Variants in PLEKHA6 observed in about 807,000 individuals in gnomAD.
PLEKHA6 encodes the protein pleckstrin homology domain-containing family A member 6.
Under a neutral mutation model 116.7 loss-of-function variants are expected in PLEKHA6, and 60 were observed. The observed-to-expected ratio is 0.51, with a 90% CI of 0.42 to 0.64. PLEKHA6 has a LOEUF of 0.64. PLEKHA6 is among the 30% of genes least tolerant of loss of function. The pLI, the probability that PLEKHA6 is intolerant of heterozygous loss-of-function variation, is 0.00. For missense variants in PLEKHA6, 1,338 were observed against 1,422.7 expected, an observed-to-expected ratio of 0.94 and a Z score of 0.96; for synonymous variants, 489 against 556.1, an observed-to-expected ratio of 0.88 and a Z score of 1.70.
intron 1 of PLEKHA6, among the ~76,000 whole-genome samples, chr1:204,303,926 G>A (rs956894338): frequency 3.3e-5 from 5 of 152,174 alleles, no homozygotes; most frequent in Admixed American, 2.0e-4. Context: ...TGTTGCCCAG[G>A]CTTGTCTTGA....
chr1:204,374,516 A>G (rs1191069080), intron 1 of PLEKHA6, among the ~76,000 whole-genome samples: 2 of 151,968 alleles, frequency 1.3e-5, no homozygotes, highest in Non-Finnish European at 2.9e-5. Context: ...ATTCTCACCC[A>G]TCCTTTAATA....
At chr1:204,269,104 C>G (rs1667164710) in intron 3 of PLEKHA6, among the ~76,000 whole-genome samples, 1 of 151,860 alleles carries the variant, frequency 6.6e-6, no homozygotes, top group East Asian at 2.0e-4. Context: ...ACCCCAAGCC[C>G]CTCTGCGGCT....
intron 1 of PLEKHA6, among the ~76,000 whole-genome samples, chr1:204,293,999 G>A (rs1670024129): frequency 6.6e-6 from 1 of 152,198 alleles, no homozygotes; most frequent in Admixed American, 6.5e-5. Context: ...GAATTGTATC[G>A]ATGTTATTAA....
chr1:204,237,731 C>G (rs974442441), intron 17 of PLEKHA6, among the ~76,000 whole-genome samples: 9 of 152,234 alleles, frequency 5.9e-5, no homozygotes, highest in Non-Finnish European at 1.2e-4. Flanking sequence ...CCTTTACTGT[C>G]CTACCTCAGG....
rs374722318 is a variant in PLEKHA6 at position 204,251,659 on chromosome 1, G to A, written c.1525-1045C>T. 3.1e-4 allele frequency: 215 copies of A among 695,182 alleles called. 1 individual carries two copies. In the African/African-American group the frequency reaches 3.2e-3, roughly 10 times the overall value. 43.1% of individuals were successfully genotyped at this position (695,182 alleles called of 1,614,324 possible). On this transcript the variant is annotated intron_variant, in intron 9 of 22. Transcript: ENST00000272203. The stretch of plus-strand genomic sequence containing the variant: ...CTATTCACACTCCGACCTACATGTA[G>A]GTATCTCCCCTTCACCCACCTGTGC...
chr1:204,358,462 AG>A (rs1259172562), intron 1 of PLEKHA6, among the ~76,000 whole-genome samples: 1 of 152,118 alleles, frequency 6.6e-6, no homozygotes, highest in Non-Finnish European at 1.5e-5. Flanking sequence ...ATACTCTTCC[AG>A]GGTGGCCTGG....
At chr1:204,336,505 G>T (rs932692561) in intron 1 of PLEKHA6, among the ~76,000 whole-genome samples, 65 of 152,222 alleles carry the variant, frequency 4.3e-4, no homozygotes, top group African/African-American at 1.4e-3. Context: ...TTCAGCGGAA[G>T]GAGAGGTTAG....
At chr1:204,301,581 G>T (rs12748797) in intron 1 of PLEKHA6, 111,617 of 464,850 alleles carry the variant, frequency 0.24, 14,239 homozygotes, top group South Asian at 0.29. Flanking sequence ...ACTCCCTAGG[G>T]CCATTCCCAG....
chr1:204,332,502 C>T (rs2103275804), intron 1 of PLEKHA6, among the ~76,000 whole-genome samples: 1 of 152,352 alleles, frequency 6.6e-6, no homozygotes, highest in South Asian at 2.1e-4. Flanking sequence ...CTGCCTCAGC[C>T]TCCTGAGTAT....
intron 1 of PLEKHA6, chr1:204,309,063 G>A (rs529329637): frequency 5.1e-6 from 5 of 976,280 alleles, no homozygotes; most frequent in Non-Finnish European, 3.7e-6. Context: ...CTCATTCATT[G>A]TCTTTCTGTC....
At chr1:204,365,783 T>TG (rs1257177393) in intron 3 of PLEKHA6, among the ~76,000 whole-genome samples, 1 of 151,964 alleles carries the variant, frequency 6.6e-6, no homozygotes, top group Non-Finnish European at 1.5e-5. Context: ...TACACAGCAG[T>TG]GGGGGGACCA....
chr1:204,360,402 GA>G (rs1311750488), upstream of PLEKHA6, among the ~76,000 whole-genome samples: 1 of 149,422 alleles, frequency 6.7e-6, no homozygotes, highest in Non-Finnish European at 1.5e-5. Context: ...CCAATATGGT[GA>G]ATTTAGAGAA....
chr1:204,363,280 T>C (rs565503693), upstream of PLEKHA6, among the ~76,000 whole-genome samples: 4 of 152,338 alleles, frequency 2.6e-5, no homozygotes, highest in Admixed American at 2.6e-4. Flanking sequence ...GGCAGAGACC[T>C]GGGCTTCTGA....
intron 6 of PLEKHA6, 58 bp downstream of exon 6, chr1:204,264,884 G>T (rs1666584159): frequency 2.5e-6 from 3 of 1,190,256 alleles, no homozygotes; most frequent in African/African-American, 1.5e-5. Context: ...ATTCCCATAG[G>T]CTCTAGAAGA....
chr1:204,274,677 TG>T, intron 2 of PLEKHA6, 51 bp downstream of exon 2: 2 of 985,782 alleles, frequency 2.0e-6, no homozygotes, highest in Non-Finnish European at 2.4e-6. Flanking sequence ...GGCAGTGGGA[TG>T]GTAGTGGTTA....
At chr1:204,375,871 C>G (rs373255989) in intron 1 of PLEKHA6, among the ~76,000 whole-genome samples, 204 of 151,760 alleles carry the variant, frequency 1.3e-3, no homozygotes, top group African/African-American at 4.8e-3. Flanking sequence ...TGTTCCTCAG[C>G]CCCCACTGGT....
At chr1:204,273,877 G>A (rs1667736768) in intron 2 of PLEKHA6, 137 bp from the exon 3 acceptor site, 1 of 646,738 alleles carries the variant, frequency 1.5e-6, no homozygotes, top group Non-Finnish European at 2.8e-6. Context: ...CCATTGAGGG[G>A]TCACCTCAGC....
Position 204,257,552 on chromosome 1 carries a change from C to T in PLEKHA6, c.1325G>A (p.Ser442Asn), listed in dbSNP as rs760840127. 1.1e-5 allele frequency: 18 copies of T among 1,598,788 alleles called. No homozygotes were observed. Among genetic ancestry groups the T allele is most frequent in the Middle Eastern group, 1.7e-4 (1 of 5,896 alleles). ...CTGCAGGGACAGGCGGCGCAGGGAG[C>T]TAGAGGCGGCATCCAGCTCATCATA... ...VYYDELDAAS[S>N]SLRRLSLQPR... Residue 442 changes from serine to asparagine, a missense_variant, in exon 9 of 23, where the codon AGC becomes AAC. Ser to Asn is a conservative substitution (Grantham distance 46). Around this residue, in one of 3 missense-constraint regions of PLEKHA6, gnomAD observed 1,136 missense variants for 1,163.6 expected, o/e 0.98. Coordinates refer to ENST00000272203, the MANE Select transcript of PLEKHA6 (RefSeq NM_014935.5). This position sits in a 1 kb window ranked among gnomAD's most constrained non-coding sequence, Gnocchi z 6.5.
rs187000899 is a variant in PLEKHA6 at position 204,299,529 on chromosome 1, G to A, written c.-94-24720C>T. 5.1e-6 allele frequency: 3 copies of A among 585,796 alleles called. No individual in the cohort carries two copies. The African/African-American group carries it at 6.1e-5, about 12-fold the overall frequency. The allele number at this position is 585,796 out of a possible 1,614,324, so 36.3% of individuals were successfully genotyped here. A position where few individuals can be genotyped will look rare whatever the true frequency, so the allele number is the denominator to read the frequency against. On this transcript the variant is annotated intron_variant, in intron 1 of 22. Coordinates refer to ENST00000272203, the MANE Select transcript of PLEKHA6 (RefSeq NM_014935.5). ...GACTGCTGACCGAAGGACTCAGGGA[G>A]CTCTGAGCCGGCAGCCAGCAAGCTG...
Sources: gnomAD v4.1 joint callset for allele counts (sites outside exome capture counted in the v4.1 genomes callset) on GRCh38, gnomAD v4.1.1 for gene constraint, gnomAD v4.1.1 regional missense constraint, Gnocchi (gnomAD v3.1) non-coding constraint, MANE v1.5 for transcripts, NCBI Gene and HGNC (gene_info 2026-07-23, HGNC 2026-07-21) for gene names.